Variants in CSMD1 observed in about 807,000 individuals in gnomAD.
CSMD1 encodes CUB and Sushi multiple domains 1.
Under a neutral mutation model 417.5 loss-of-function variants are expected in CSMD1, and 213 were observed. That is an observed-to-expected ratio of 0.51 (90% CI 0.46 to 0.57). The LOEUF (loss-of-function observed/expected upper bound fraction) is 0.57. Among genes scored for constraint, CSMD1 ranks in the 20% least tolerant of loss-of-function variants. The pLI is 0.00. For missense variants in CSMD1, 6,923 were observed against 4,529.7 expected, an observed-to-expected ratio of 1.53 and a Z score of -15.17; for synonymous variants, 2,862 against 1,736.8, an observed-to-expected ratio of 1.65 and a Z score of -16.11.
At chr8:4,176,281 A>G (rs1044987834) in intron 3 of CSMD1, among the ~76,000 whole-genome samples, 56 of 152,204 alleles carry the variant, frequency 3.7e-4, no homozygotes, top group Middle Eastern at 3.4e-3. Flanking sequence ...AAATGAGAAC[A>G]AAATTCTATA....
intron 40 of CSMD1, among the ~76,000 whole-genome samples, chr8:3,144,724 A>T (rs1352873071): frequency 6.7e-6 from 1 of 150,248 alleles, no homozygotes; most frequent in Non-Finnish European, 1.5e-5. Flanking sequence ...ATTCCAGAAA[A>T]TATTTTTGTT....
intron 3 of CSMD1, among the ~76,000 whole-genome samples, chr8:4,100,958 A>G (rs779737799): frequency 6.6e-6 from 1 of 152,200 alleles, no homozygotes; most frequent in Non-Finnish European, 1.5e-5. Flanking sequence ...ATTGTCTGTA[A>G]TCACTCCATC....
chr8:3,804,789 T>C (rs1009999503), intron 5 of CSMD1, among the ~76,000 whole-genome samples: 27 of 152,252 alleles, frequency 1.8e-4, no homozygotes, highest in African/African-American at 6.5e-4. Context: ...AAAATATGTT[T>C]GGTAATCTAA....
chr8:4,852,251 A>G (rs1238390236), intron 1 of CSMD1, among the ~76,000 whole-genome samples: 1 of 152,114 alleles, frequency 6.6e-6, no homozygotes, highest in Non-Finnish European at 1.5e-5. Context: ...TGTAATCCCT[A>G]GTTTTGGAGG....
chr8:4,588,978 T>C (rs1044898250), intron 2 of CSMD1, among the ~76,000 whole-genome samples: 4 of 152,116 alleles, frequency 2.6e-5, no homozygotes, highest in African/African-American at 9.7e-5. Flanking sequence ...CAATATACTA[T>C]ATATAATATA....
chr8:3,965,732 C>G (rs894178833), intron 5 of CSMD1, among the ~76,000 whole-genome samples: 1 of 152,136 alleles, frequency 6.6e-6, no homozygotes, highest in African/African-American at 2.4e-5. Flanking sequence ...ATTCTCCTGC[C>G]TCAGCCTCCC....
chr8:3,223,956 T>C (rs926824498), intron 27 of CSMD1, 89 bp from the exon 28 acceptor site: 130 of 1,309,628 alleles, frequency 9.9e-5, no homozygotes, highest in Non-Finnish European at 1.2e-4. Flanking sequence ...CAGAATTCTT[T>C]AAGAAAAAGA....
At chr8:4,744,165 C>T (rs777378500) in intron 1 of CSMD1, among the ~76,000 whole-genome samples, 7 of 152,174 alleles carry the variant, frequency 4.6e-5, no homozygotes, top group Admixed American at 4.6e-4. Context: ...CTATAAAGAG[C>T]GTCGCAGTCC....
chr8:4,740,405 A>AT (rs973028974), intron 1 of CSMD1, among the ~76,000 whole-genome samples: 7 of 151,932 alleles, frequency 4.6e-5, no homozygotes, highest in South Asian at 2.1e-4. Context: ...AGCAGCCTCT[A>AT]TTTTTTTCTT....
intron 1 of CSMD1, among the ~76,000 whole-genome samples, chr8:4,833,593 C>A (rs1052508652): frequency 6.6e-6 from 1 of 152,156 alleles, no homozygotes; most frequent in Non-Finnish European, 1.5e-5. Context: ...ATGGAGCACA[C>A]GATTTTTGAA....
chr8:3,447,239 A>G (rs1585177784), intron 12 of CSMD1, among the ~76,000 whole-genome samples: 1 of 152,222 alleles, frequency 6.6e-6, no homozygotes, highest in South Asian at 2.1e-4. Flanking sequence ...ACACAAATTA[A>G]CAGAAAATAG....
At chr8:4,682,240 G>A (rs942776802) in intron 1 of CSMD1, among the ~76,000 whole-genome samples, 1 of 152,058 alleles carries the variant, frequency 6.6e-6, no homozygotes, top group Non-Finnish European at 1.5e-5. Flanking sequence ...ATGTTGCCCA[G>A]GCTGGTCTCA....
In CSMD1 at chr8:3,188,911, T is replaced by A; in HGVS notation, c.5499A>T (p.Ile1833=). Residue 1833 remains isoleucine, a synonymous_variant, in exon 35 of 70, where the codon ATA becomes ATT. Coordinates refer to ENST00000635120, the MANE Select transcript of CSMD1 (RefSeq NM_033225.6). ...GNNLNCIWKI[I]VTEGSGIQIQ... ...CCTGAATTCCCGAGCCCTCCGTAAC[T>A]ATGATCTTCCATATACAGTTCAAGT... 1 of 1,595,844 alleles carries A rather than the reference T, an allele frequency of 6.3e-7. No homozygotes were observed. Among genetic ancestry groups the A allele is most frequent in the Non-Finnish European group, 8.5e-7 (1 of 1,170,756 alleles).
chr8:3,350,704 C>A lies in CSMD1; in HGVS notation c.3305-2543G>T, dbSNP rs1466983939. 2.6e-5 allele frequency among the ~76,000 whole-genome samples: 4 copies of A among 152,004 alleles called. No individual in the cohort carries two copies. In the East Asian group the frequency reaches 7.7e-4, roughly 29 times the overall value. On this transcript the variant is annotated intron_variant, in intron 21 of 69. Transcript: ENST00000635120. Reference sequence around the variant, plus strand: ...TTTGTTATTACATTAGCATTTAGGACATTAGCTATATAATCATTTCTCATA... The same window carrying A: ...TTTGTTATTACATTAGCATTTAGGAAATTAGCTATATAATCATTTCTCATA...
chr8:2,949,361 C>A lies in CSMD1; in HGVS notation c.10340G>T (p.Gly3447Val). The part of the protein sequence containing the change: ...GYVSSGLERG[G>V]FTFQGDIHGK... ...ATGAATGTCACCTTGAAAAGTAAAT[C>A]CTCCTCTTTCAAGTCCAGATGACAC... is the stretch of plus-strand genomic sequence containing the variant. Residue 3447 changes from glycine to valine, a missense_variant, in exon 68 of 70, where the codon GGA becomes GTA. By Grantham distance (109) the Gly-to-Val change is moderately radical (BLOSUM62 -3). Coordinates refer to ENST00000635120, the MANE Select transcript of CSMD1 (RefSeq NM_033225.6). The A allele has an allele frequency of 6.2e-7, 1 of 1,604,914 alleles. No individual in the cohort carries two copies. Among genetic ancestry groups the A allele is most frequent in the Non-Finnish European group, 8.5e-7 (1 of 1,175,132 alleles).
intron 1 of CSMD1, among the ~76,000 whole-genome samples, chr8:4,909,079 G>T (rs1169756246): frequency 6.6e-6 from 1 of 152,210 alleles, no homozygotes; most frequent in African/African-American, 2.4e-5. Flanking sequence ...AATCGGACTA[G>T]GAGTTGGATT....
intron 1 of CSMD1, among the ~76,000 whole-genome samples, chr8:4,967,206 A>G (rs1809926577): frequency 6.6e-6 from 1 of 152,230 alleles, no homozygotes; most frequent in Non-Finnish European, 1.5e-5. Flanking sequence ...TTGTTTGCAA[A>G]GAAGAGCACA....
At chr8:4,048,996 A>G (rs954987884) in intron 3 of CSMD1, among the ~76,000 whole-genome samples, 12 of 152,326 alleles carry the variant, frequency 7.9e-5, no homozygotes, top group African/African-American at 2.9e-4. Context: ...GTTGATACAA[A>G]GAGGTGATGT....
intron 5 of CSMD1, among the ~76,000 whole-genome samples, chr8:3,815,901 A>G (rs1217415325): frequency 6.6e-6 from 1 of 152,230 alleles, no homozygotes; most frequent in Non-Finnish European, 1.5e-5. Flanking sequence ...TATCATCAAG[A>G]GTAAATAGAA....
Sources: allele counts gnomAD v4.1 joint callset (sites outside exome capture counted in the v4.1 genomes callset), GRCh38; gene constraint gnomAD v4.1.1; transcripts MANE v1.5; gene names NCBI Gene and HGNC (gene_info 2026-07-23, HGNC 2026-07-21).